The following POLR3B variants were observed in gnomAD, a reference collection of about 807,000 sequenced individuals.
POLR3B encodes the protein RNA polymerase III subunit B.
A neutral mutation model predicts 147.4 loss-of-function variants in POLR3B; 96 were observed. The ratio of observed to expected loss-of-function variants is 0.65; its 90% confidence interval spans 0.55 to 0.77. The LOEUF is 0.77. Ranked by LOEUF, POLR3B falls within the 30% of genes least tolerant of loss-of-function variation. POLR3B has a pLI of 0.00. For synonymous variants in POLR3B, 461 were observed against 485.9 expected, an observed-to-expected ratio of 0.95 and a Z score of 0.67; for missense variants, 1,036 against 1,413.5, an observed-to-expected ratio of 0.73 and a Z score of 4.28.
At chr12:106,435,190 C>T (rs766335500) in intron 16 of POLR3B, among the ~76,000 whole-genome samples, 14 of 151,180 alleles carry the variant, frequency 9.3e-5, no homozygotes, top group East Asian at 1.9e-4. Context: ...TGCAGTGGTA[C>T]GATCTTGAGT....
At chr12:106,440,134 T>G (rs2037630077) in intron 18 of POLR3B, among the ~76,000 whole-genome samples, 2 of 152,092 alleles carry the variant, frequency 1.3e-5, no homozygotes, top group South Asian at 4.1e-4. Flanking sequence ...AAATGACAGT[T>G]CCATCGTTGT....
intron 23 of POLR3B, among the ~76,000 whole-genome samples, chr12:106,490,352 C>T (rs889211118): frequency 2.6e-5 from 4 of 152,150 alleles, no homozygotes; most frequent in Non-Finnish European, 4.4e-5. Context: ...GCCCTTTGTG[C>T]GCTTCAGACT....
chr12:106,358,316 C>T (rs1592995351), intron 1 of POLR3B: 1 of 1,110,082 alleles, frequency 9.0e-7, no homozygotes, highest in East Asian at 5.4e-5. Context: ...GGAGCTCAGG[C>T]CATTTGCATG....
At chr12:106,390,354 A>T (rs918161353) in intron 9 of POLR3B, among the ~76,000 whole-genome samples, 36 of 151,930 alleles carry the variant, frequency 2.4e-4, no homozygotes, top group African/African-American at 8.7e-4. Flanking sequence ...TTAAACACCA[A>T]AGAAAGGAAT....
intron 18 of POLR3B, among the ~76,000 whole-genome samples, chr12:106,442,229 G>A (rs1052941077): frequency 5.3e-5 from 8 of 151,560 alleles, no homozygotes; most frequent in Admixed American, 3.3e-4. Flanking sequence ...TACTATGTGA[G>A]TTTATGTATG....
intron 12 of POLR3B, among the ~76,000 whole-genome samples, chr12:106,421,482 T>C (rs1246570066): frequency 6.6e-6 from 1 of 152,170 alleles, no homozygotes; most frequent in East Asian, 1.9e-4. Flanking sequence ...TGGCATCTCC[T>C]TGTGGTCTTA....
chr12:106,473,938 G>A (rs1012272727), intron 23 of POLR3B, among the ~76,000 whole-genome samples: 6 of 151,282 alleles, frequency 4.0e-5, no homozygotes, highest in African/African-American at 9.7e-5. Flanking sequence ...TCCCTGTCCT[G>A]TGACAGTTTT....
At chr12:106,378,433 A>G (rs1038330332) in intron 8 of POLR3B, 49 bp downstream of exon 8, 1 of 1,104,812 alleles carries the variant, frequency 9.1e-7, no homozygotes, top group African/African-American at 1.5e-5. Flanking sequence ...TCATTCCATT[A>G]GTCCTAAATG....
intron 12 of POLR3B, among the ~76,000 whole-genome samples, chr12:106,426,965 A>G (rs2037447705): frequency 6.6e-6 from 1 of 150,656 alleles, no homozygotes; most frequent in Non-Finnish European, 1.5e-5. Context: ...AATGTCTTTG[A>G]ATGCAGTGAG....
intron 10 of POLR3B, among the ~76,000 whole-genome samples, chr12:106,398,291 G>A (rs757887404): frequency 1.3e-4 from 19 of 151,984 alleles, no homozygotes; most frequent in Admixed American, 3.9e-4. Context: ...GGGGAGGGGC[G>A]CCCACCATTG....
intron 23 of POLR3B, among the ~76,000 whole-genome samples, chr12:106,471,847 T>G (rs1413095126): frequency 2.0e-5 from 3 of 152,148 alleles, no homozygotes; most frequent in Non-Finnish European, 1.5e-5. Context: ...TACATGTATG[T>G]GTATAAACAA....
rs1565901479 is a variant in POLR3B, at chr12:106,454,605, A to C, written c.2187A>C (p.Glu729Asp). 3 of 1,610,402 alleles carry C rather than the reference A, an allele frequency of 1.9e-6. No homozygotes were observed. The highest frequency in any genetic ancestry group is 2.5e-6 in the Non-Finnish European group (3 of 1,176,736). The change falls in exon 20 of 28, where the codon GAA (glutamate) becomes GAC (aspartate). Residue 729 changes from glutamate (E) to aspartate (D), a missense_variant. Coordinates refer to ENST00000228347, the MANE Select transcript of POLR3B (RefSeq NM_018082.6). The stretch of plus-strand genomic sequence containing the variant: ...AGACAAAAACCATTGAATTGATAGA[A>C]TTTGAGAAACTGCCAGCTGGACAGA... ...MVKTKTIELI[E>D]FEKLPAGQNA...
chr12:106,459,641 G>A (rs557781087), intron 22 of POLR3B, among the ~76,000 whole-genome samples: 4 of 152,296 alleles, frequency 2.6e-5, no homozygotes, highest in African/African-American at 7.2e-5. Flanking sequence ...AAGTGCCTGG[G>A]TTTTGGAGGA....
chr12:106,445,538 G>T (rs2037710746), intron 19 of POLR3B, among the ~76,000 whole-genome samples: 1 of 152,036 alleles, frequency 6.6e-6, no homozygotes, highest in African/African-American at 2.4e-5. Flanking sequence ...ATATGTTGAG[G>T]AGTTTGAGTT....
chr12:106,409,346 G>GTTTTT (rs138257827), intron 11 of POLR3B, among the ~76,000 whole-genome samples: 966 of 67,372 alleles, frequency 0.014, 161 homozygotes, highest in African/African-American at 0.037. Context: ...TTGTAAGAGG[G>GTTTTT]TTTTTTTTGT....
intron 19 of POLR3B, among the ~76,000 whole-genome samples, chr12:106,450,235 ATATAT>A (rs751462896): frequency 6.6e-6 from 1 of 152,232 alleles, no homozygotes; most frequent in Non-Finnish European, 1.5e-5. Flanking sequence ...TTAACAAAAA[ATATAT>A]TATAGCCCTA....
rs117455713 is a variant in POLR3B, at chr12:106,446,477, C to T, written c.2083+1887C>T. 2.1e-4 allele frequency among the ~76,000 whole-genome samples: 30 copies of T among 145,312 alleles called. No homozygotes were observed. The East Asian group carries it at 5.4e-3, about 26-fold the overall frequency. The stretch of plus-strand genomic sequence containing the variant: ...TATATGTGGCAATGAGTATCTGAAA[C>T]GTTTGGTTAGTTACCACACACAGTT... On this transcript the variant is annotated intron_variant, in intron 19 of 27. Transcript: ENST00000228347.
At chr12:106,495,060 A>G (rs2038459075) in intron 23 of POLR3B, among the ~76,000 whole-genome samples, 1 of 152,208 alleles carries the variant, frequency 6.6e-6, no homozygotes, top group South Asian at 2.1e-4. Flanking sequence ...CTTTATACAC[A>G]GAGAAAAGGA....
Position 106,457,248 on chromosome 12 carries a change from C to A in POLR3B, c.2404C>A (p.Pro802Thr), listed in dbSNP as rs868318712. 1 of 1,613,676 alleles carries A rather than the reference C, an allele frequency of 6.2e-7. No individual in the cohort carries two copies. Among genetic ancestry groups the A allele is most frequent in the African/African-American group, 1.3e-5 (1 of 74,882 alleles). The part of the protein sequence containing the change: ...GPMLDAATRK[P>T]IWRHEILDAD... ...CATGTTGGATGCTGCTACAAGGAAACCTATCTGGCGACATGAAATCTTAGA... is the reference window on the plus strand; with the variant it reads ...CATGTTGGATGCTGCTACAAGGAAAACTATCTGGCGACATGAAATCTTAGA... Residue 802 changes from proline (P) to threonine (T), a missense_variant, in exon 21 of 28, where the codon CCT (proline) becomes ACT (threonine). Coordinates refer to ENST00000228347, the MANE Select transcript of POLR3B (RefSeq NM_018082.6).
Sources: allele counts gnomAD v4.1 joint callset (sites outside exome capture counted in the v4.1 genomes callset), GRCh38; gene constraint gnomAD v4.1.1; transcripts MANE v1.5; gene names NCBI Gene and HGNC (gene_info 2026-07-23, HGNC 2026-07-21).